Variants in PIP4K2A observed in about 807,000 individuals in gnomAD.
PIP4K2A encodes the protein phosphatidylinositol-5-phosphate 4-kinase type 2 alpha.
PIP4K2A carries 14 observed loss-of-function variants against 42.9 expected under a neutral mutation model. The observed-to-expected ratio is 0.33, with a 90% CI of 0.22 to 0.51. The LOEUF (loss-of-function observed/expected upper bound fraction) is 0.51. Among genes scored for constraint, PIP4K2A ranks in the 20% least tolerant of loss-of-function variants. The pLI, the probability that PIP4K2A is intolerant of heterozygous loss-of-function variation, is 0.97. For missense variants in PIP4K2A, 434 were observed against 519.8 expected, an observed-to-expected ratio of 0.83 and a Z score of 1.61; for synonymous variants, 192 against 192.2, an observed-to-expected ratio of 1.00 and a Z score of 0.01.
chr10:22,701,390 G>A (rs2130916449), intron 1 of PIP4K2A, among the ~76,000 whole-genome samples: 1 of 152,214 alleles, frequency 6.6e-6, no homozygotes. Context: ...AAACCTTTTA[G>A]GCTATGGGCC....
chr10:22,559,058 G>A (rs1411922150), intron 6 of PIP4K2A, among the ~76,000 whole-genome samples: 1 of 152,130 alleles, frequency 6.6e-6, no homozygotes, highest in African/African-American at 2.4e-5. Flanking sequence ...AGGACCTACG[G>A]GATGGCTTCG....
chr10:22,682,630 A>T (rs1324567650), intron 1 of PIP4K2A, among the ~76,000 whole-genome samples: 1 of 152,224 alleles, frequency 6.6e-6, no homozygotes, highest in Admixed American at 6.5e-5. Flanking sequence ...TGGGGGTGGC[A>T]GAAGCAGGAA....
intron 1 of PIP4K2A, among the ~76,000 whole-genome samples, chr10:22,630,913 C>T (rs886781097): frequency 1.1e-4 from 17 of 152,160 alleles, no homozygotes; most frequent in African/African-American, 3.6e-4. Flanking sequence ...AGGTTTGACA[C>T]ATCAATTCTC....
chr10:22,636,987 C>T (rs901674969), intron 1 of PIP4K2A, among the ~76,000 whole-genome samples: 1 of 152,200 alleles, frequency 6.6e-6, no homozygotes, highest in Non-Finnish European at 1.5e-5. Flanking sequence ...GCAGCAGAGC[C>T]CAGCCCAAAT....
chr10:22,692,448 G>GA (rs1324661519), intron 1 of PIP4K2A, among the ~76,000 whole-genome samples: 2 of 152,094 alleles, frequency 1.3e-5, no homozygotes, highest in Non-Finnish European at 2.9e-5. Flanking sequence ...AGGGGTTGGG[G>GA]ATCTGTCTTA....
chr10:22,624,372 T>C (rs1838392794), intron 1 of PIP4K2A, among the ~76,000 whole-genome samples: 1 of 152,226 alleles, frequency 6.6e-6, no homozygotes, highest in South Asian at 2.1e-4. Flanking sequence ...GGCAGAGGCA[T>C]AGAAACACCA....
chr10:22,638,456 ATTATTAT>A lies in PIP4K2A; in HGVS notation c.145-28746_145-28740del, dbSNP rs543595229. Among the ~76,000 whole-genome samples the A allele has an allele frequency of 3.8e-4, 58 of 152,322 alleles. 1 individual carries two copies. In the South Asian group the frequency reaches 0.011, roughly 28 times the overall value. ...CCCAGAATTAGTCTTCCTGACTTAA[ATTATTAT>A]TTAAGTATGTCTTAAAGCATTCCTA... On this transcript the variant is annotated intron_variant, in intron 1 of 9. Coordinates refer to ENST00000376573, the MANE Select transcript of PIP4K2A (RefSeq NM_005028.5).
chr10:22,702,342 T>G (rs1403579225), intron 1 of PIP4K2A, among the ~76,000 whole-genome samples: 1 of 152,254 alleles, frequency 6.6e-6, no homozygotes, highest in Non-Finnish European at 1.5e-5. Flanking sequence ...GGTACACTTC[T>G]GAATACTACA....
At chr10:22,625,547 C>T (rs1178255393) in intron 1 of PIP4K2A, among the ~76,000 whole-genome samples, 1 of 152,104 alleles carries the variant, frequency 6.6e-6, no homozygotes, top group Non-Finnish European at 1.5e-5. Flanking sequence ...TCAAAATACA[C>T]CTATCTTTAT....
chr10:22,632,028 T>C (rs1442062248), intron 1 of PIP4K2A, among the ~76,000 whole-genome samples: 2 of 151,774 alleles, frequency 1.3e-5, no homozygotes, highest in Non-Finnish European at 2.9e-5. Flanking sequence ...AACTGCATAA[T>C]GAATGTAATC....
At position 22,537,130 on chromosome 10, in the gene PIP4K2A, T is replaced by A; in HGVS notation, c.*71A>T. ...AGATGAGTACTTCACTGAGTTTGGT[T>A]TTCATTTTTCCTACACCGAAGCCAC... On this transcript the variant is annotated 3_prime_UTR_variant, in exon 10 of 10. Coordinates refer to ENST00000376573, the MANE Select transcript of PIP4K2A (RefSeq NM_005028.5). The A allele has an allele frequency of 8.2e-7, 1 of 1,219,966 alleles. No individual in the cohort carries two copies. Among genetic ancestry groups the A allele is most frequent in the Middle Eastern group, 1.9e-4 (1 of 5,254 alleles). The allele number at this position is 1,219,966 out of a possible 1,614,324, so 75.6% of individuals were successfully genotyped here.
At chr10:22,647,841 G>A (rs143609593) in intron 1 of PIP4K2A, among the ~76,000 whole-genome samples, 35 of 152,242 alleles carry the variant, frequency 2.3e-4, no homozygotes, top group Non-Finnish European at 3.8e-4. Flanking sequence ...GATTTTACAC[G>A]GCAGAAAACT....
chr10:22,584,341 A>C (rs1440162845), intron 4 of PIP4K2A, among the ~76,000 whole-genome samples: 1 of 152,078 alleles, frequency 6.6e-6, no homozygotes, highest in Non-Finnish European at 1.5e-5. Context: ...AAAGATTAGA[A>C]CAGTTGAAGA....
At chr10:22,649,101 A>G (rs1048109935) in intron 1 of PIP4K2A, among the ~76,000 whole-genome samples, 1 of 152,260 alleles carries the variant, frequency 6.6e-6, no homozygotes, top group Non-Finnish European at 1.5e-5. Flanking sequence ...TCATCAATTT[A>G]TAAGAATAAA....
chr10:22,568,045 C>G (rs371533923), intron 5 of PIP4K2A, among the ~76,000 whole-genome samples, 156 bp from the exon 6 acceptor site: 1 of 152,274 alleles, frequency 6.6e-6, no homozygotes, highest in East Asian at 1.9e-4. Flanking sequence ...CCTCCCTGAC[C>G]ATGGCTCTCT....
intron 9 of PIP4K2A, among the ~76,000 whole-genome samples, chr10:22,537,839 C>T (rs1835976559): frequency 6.6e-6 from 1 of 152,208 alleles, no homozygotes; most frequent in Non-Finnish European, 1.5e-5. Flanking sequence ...CAGCCCATTC[C>T]CTGCACCGTA....
At chr10:22,647,689 A>G (rs1838911919) in intron 1 of PIP4K2A, among the ~76,000 whole-genome samples, 1 of 152,234 alleles carries the variant, frequency 6.6e-6, no homozygotes, top group African/African-American at 2.4e-5. Flanking sequence ...AACAAGGAAA[A>G]GGCCTCAGAA....
At chr10:22,687,144 TA>T (rs36086367) in intron 1 of PIP4K2A, among the ~76,000 whole-genome samples, 46,339 of 138,744 alleles carry the variant, frequency 0.33, 7,485 homozygotes, top group South Asian at 0.4. Flanking sequence ...TAAGTCAGAT[TA>T]AAAAAAAAAA....
intron 1 of PIP4K2A, among the ~76,000 whole-genome samples, chr10:22,645,731 A>C (rs964145974): frequency 6.6e-6 from 1 of 150,954 alleles, no homozygotes; most frequent in Non-Finnish European, 1.5e-5. Context: ...AGGGACTCAG[A>C]CAGGGTCTAC....
Sources: gnomAD v4.1 joint callset for allele counts (sites outside exome capture counted in the v4.1 genomes callset) on GRCh38, gnomAD v4.1.1 for gene constraint, MANE v1.5 for transcripts, NCBI Gene and HGNC (gene_info 2026-07-23, HGNC 2026-07-21) for gene names.